SOX6: variants seen among roughly 807,000 people sequenced by gnomAD.
SOX6 encodes the protein transcription factor SOX-6.
A neutral mutation model predicts 97.8 loss-of-function variants in SOX6; 11 were observed. The observed-to-expected ratio is 0.11, with a 90% confidence interval of 0.07 to 0.19. The LOEUF is 0.19. Among genes scored for constraint, SOX6 ranks in the 10% least tolerant of loss-of-function variants. The pLI is 1.00. For synonymous variants in SOX6, 360 were observed against 371.4 expected, an observed-to-expected ratio of 0.97 and a Z score of 0.35; for missense variants, 810 against 1,039.5, an observed-to-expected ratio of 0.78 and a Z score of 3.04.
intron 4 of SOX6, among the ~76,000 whole-genome samples, chr11:16,514,374 A>C (rs1035790519): frequency 6.6e-6 from 1 of 152,196 alleles, no homozygotes; most frequent in African/African-American, 2.4e-5. Flanking sequence ...TGGTAAAAGC[A>C]GAGTAACATT....
At chr11:16,321,939 G>T (rs1855940959) in intron 2 of SOX6, among the ~76,000 whole-genome samples, 1 of 152,182 alleles carries the variant, frequency 6.6e-6, no homozygotes, top group East Asian at 1.9e-4. Flanking sequence ...CAATTCATCT[G>T]AGTAAAAGGG....
At chr11:16,410,012 G>C (rs73433526) in intron 1 of SOX6, among the ~76,000 whole-genome samples, 6,386 of 152,210 alleles carry the variant, frequency 0.042, 428 homozygotes, top group African/African-American at 0.14. Flanking sequence ...GGTTGGGTGG[G>C]GATGGGGAGG....
At chr11:16,629,287 G>A in intron 3 of SOX6, among the ~76,000 whole-genome samples, 1 of 152,150 alleles carries the variant, frequency 6.6e-6, no homozygotes, top group East Asian at 1.9e-4. Flanking sequence ...CTAGTTTCTT[G>A]AGAATTTTTA....
intron 9 of SOX6, among the ~76,000 whole-genome samples, chr11:16,071,486 C>T (rs1273218495): frequency 6.6e-6 from 1 of 152,014 alleles, no homozygotes; most frequent in African/African-American, 2.4e-5. Context: ...AACTTCCAGC[C>T]CAGTGGTCCT....
At chr11:15,983,584 T>C (rs886607897) in intron 15 of SOX6, among the ~76,000 whole-genome samples, 1 of 152,060 alleles carries the variant, frequency 6.6e-6, no homozygotes, top group East Asian at 1.9e-4. Context: ...GTAATAAAGA[T>C]CAATTTCCAA....
intron 6 of SOX6, among the ~76,000 whole-genome samples, chr11:16,134,685 G>A (rs1590218628): frequency 6.6e-6 from 1 of 152,238 alleles, no homozygotes; most frequent in Non-Finnish European, 1.5e-5. Context: ...TATTGTAGTT[G>A]TTTTGGGACA....
intron 1 of SOX6, among the ~76,000 whole-genome samples, chr11:16,363,331 T>C (rs925476768): frequency 6.6e-6 from 1 of 152,172 alleles, no homozygotes; most frequent in Non-Finnish European, 1.5e-5. Context: ...CTCCAGAATC[T>C]GAAAATTTTT....
At chr11:16,507,437 A>C (rs1000600917) in intron 4 of SOX6, among the ~76,000 whole-genome samples, 6 of 152,204 alleles carry the variant, frequency 3.9e-5, no homozygotes, top group African/African-American at 1.4e-4. Context: ...TATGAAACTA[A>C]AAAAAGGGCC....
At chr11:16,189,650 G>A (rs995625629) in intron 4 of SOX6, among the ~76,000 whole-genome samples, 8 of 151,982 alleles carry the variant, frequency 5.3e-5, no homozygotes, top group Non-Finnish European at 7.4e-5. Context: ...AGTATTTTAC[G>A]AAATGAGTGA....
intron 9 of SOX6, among the ~76,000 whole-genome samples, chr11:16,059,496 A>G (rs1446673043): frequency 6.6e-6 from 1 of 151,948 alleles, no homozygotes; most frequent in Non-Finnish European, 1.5e-5. Context: ...TATCATTCAG[A>G]TGGACAAATA....
chr11:16,482,325 T>C (rs1860358415), intron 4 of SOX6, among the ~76,000 whole-genome samples: 1 of 152,216 alleles, frequency 6.6e-6, no homozygotes, highest in Admixed American at 6.5e-5. Flanking sequence ...ATGCATGACT[T>C]TGTAACATCA....
intron 6 of SOX6, among the ~76,000 whole-genome samples, chr11:16,183,043 T>C (rs1272538603): frequency 6.6e-6 from 1 of 151,910 alleles, no homozygotes; most frequent in Non-Finnish European, 1.5e-5. Flanking sequence ...GAGTCTACCG[T>C]AGGATAGGCA....
intron 9 of SOX6, among the ~76,000 whole-genome samples, chr11:16,068,543 G>T (rs575165834): frequency 6.6e-6 from 1 of 151,898 alleles, no homozygotes; most frequent in African/African-American, 2.4e-5. Flanking sequence ...CTTTTTTTCA[G>T]CATAGAAGGT....
chr11:16,625,437 G>T (rs764358147), intron 3 of SOX6, among the ~76,000 whole-genome samples: 9 of 152,166 alleles, frequency 5.9e-5, no homozygotes, highest in Non-Finnish European at 1.3e-4. Context: ...TAAGAGGTAG[G>T]AGTGCTAGGA....
rs1847908437 is a variant in SOX6 at position 16,569,023 on chromosome 11, G to C, written n.609+43058C>G. ...TGAAAGAAAAAACAAATTAATAAATGCAAGGTGGATCAGCATGTAAGCATC... is the reference window on the plus strand; with the variant it reads ...TGAAAGAAAAAACAAATTAATAAATCCAAGGTGGATCAGCATGTAAGCATC... On this transcript the variant is annotated intron_variant and non_coding_transcript_variant, in intron 4 of 5. Transcript: ENST00000524520. 2.0e-5 allele frequency among the ~76,000 whole-genome samples: 3 copies of C among 152,096 alleles called. No homozygotes were observed. The South Asian group carries it at 6.2e-4, about 32-fold the overall frequency.
At chr11:16,302,574 T>TC (rs1565079002) in intron 3 of SOX6, among the ~76,000 whole-genome samples, 1 of 139,842 alleles carries the variant, frequency 7.2e-6, no homozygotes, top group African/African-American at 2.6e-5. Context: ...TTCTTTTTTT[T>TC]TTTTTTTTTT....
intron 3 of SOX6, among the ~76,000 whole-genome samples, chr11:16,240,534 G>A (rs374249784): frequency 3.3e-5 from 5 of 151,870 alleles, no homozygotes; most frequent in Middle Eastern, 3.4e-3. Context: ...CTTAACATAC[G>A]TCAATGAAAG....
rs186298430 is a variant in SOX6 at position 16,392,725 on chromosome 11, G to A, written c.-4-51473C>T. On this transcript the variant is annotated intron_variant, in intron 1 of 15. Coordinates refer to the SOX6 transcript ENST00000396356. ...GTGAAGTCTAAAGTTCTTACTTGGGGTAATTCCAGATATCAATTGGCTGTC... is the reference window on the plus strand; with the variant it reads ...GTGAAGTCTAAAGTTCTTACTTGGGATAATTCCAGATATCAATTGGCTGTC... 5.3e-5 allele frequency among the ~76,000 whole-genome samples: 8 copies of A among 152,116 alleles called. No individual in the cohort carries two copies. The East Asian group carries it at 1.4e-3, about 26-fold the overall frequency.
chr11:16,460,521 T>C (rs959223725), intron 1 of SOX6, among the ~76,000 whole-genome samples: 2 of 152,020 alleles, frequency 1.3e-5, no homozygotes, highest in African/African-American at 2.4e-5. Flanking sequence ...TTTATTCTGT[T>C]TTTTTAAGTC....
Sources: gnomAD v4.1 joint callset for allele counts (sites outside exome capture counted in the v4.1 genomes callset) on GRCh38, gnomAD v4.1.1 for gene constraint, MANE v1.5 for transcripts, NCBI Gene and HGNC (gene_info 2026-07-23, HGNC 2026-07-21) for gene names.